The following ZFYVE1 variants were observed in gnomAD, a reference collection of about 807,000 sequenced individuals.
ZFYVE1 encodes the protein zinc finger FYVE-type containing 1, also known as zinc finger FYVE domain-containing protein 1.
In ZFYVE1, 30 loss-of-function variants were observed where a neutral mutation model predicts 74.4. The ratio of observed to expected loss-of-function variants is 0.40; its 90% CI spans 0.30 to 0.55. ZFYVE1 has a LOEUF of 0.55. ZFYVE1 is among the 20% of genes least tolerant of loss of function. The pLI, the probability that ZFYVE1 is intolerant of heterozygous loss-of-function variation, is 0.42. For synonymous variants in ZFYVE1, 335 were observed against 385.1 expected, an observed-to-expected ratio of 0.87 and a Z score of 1.52; for missense variants, 703 against 1,011.6, an observed-to-expected ratio of 0.69 and a Z score of 4.14.
intron 4 of ZFYVE1, 82 bp from the exon 5 acceptor site, chr14:72,981,977 G>A (rs1472469239): frequency 1.7e-6 from 2 of 1,143,456 alleles, no homozygotes; most frequent in African/African-American, 1.5e-5. Context: ...CACCGTACAA[G>A]CAACACAGGC....
In ZFYVE1 at chr14:72,971,760, C is replaced by A. The variant is rs1218371390; in HGVS notation, c.2102-646G>T. On this transcript the variant is annotated intron_variant, in intron 11 of 11. Coordinates refer to ENST00000556143, the MANE Select transcript of ZFYVE1 (RefSeq NM_021260.4). ...CTAGGATTATAGGCATGCACCCCCACACCCAGCTCCTTGATCTTTATGTAT... is the reference window on the plus strand; with the variant it reads ...CTAGGATTATAGGCATGCACCCCCAAACCCAGCTCCTTGATCTTTATGTAT... Among the ~76,000 whole-genome samples the A allele has an allele frequency of 2.6e-5, 4 of 152,182 alleles. No homozygotes were observed. In the South Asian group the frequency reaches 8.3e-4, roughly 32 times the overall value.
At chr14:73,019,913 G>T (rs61986550) in intron 2 of ZFYVE1, among the ~76,000 whole-genome samples, 19,971 of 151,180 alleles carry the variant, frequency 0.13, 1,621 homozygotes, top group East Asian at 0.2. Flanking sequence ...ATCACACCAC[G>T]GCACTCCAGC....
intron 3 of ZFYVE1, among the ~76,000 whole-genome samples, chr14:72,993,992 C>T (rs1363542988): frequency 1.8e-5 from 2 of 113,634 alleles, no homozygotes; most frequent in Non-Finnish European, 3.5e-5. Flanking sequence ...TCCAGCCTGG[C>T]GACAGAGAGA....
At chr14:72,997,224 A>G (rs949844262) in intron 3 of ZFYVE1, among the ~76,000 whole-genome samples, 3 of 152,296 alleles carry the variant, frequency 2.0e-5, no homozygotes, top group Middle Eastern at 6.8e-3. Flanking sequence ...CAGTACATAA[A>G]TATCTGCAAT....
chr14:72,991,730 A>G (rs1691128042), intron 4 of ZFYVE1, among the ~76,000 whole-genome samples: 1 of 152,210 alleles, frequency 6.6e-6, no homozygotes, highest in Admixed American at 6.5e-5. Flanking sequence ...TTGAACTTCA[A>G]ATTCTAACTG....
At chr14:73,008,984 G>A (rs1481331637) in intron 2 of ZFYVE1, among the ~76,000 whole-genome samples, 3 of 152,090 alleles carry the variant, frequency 2.0e-5, no homozygotes, top group East Asian at 1.9e-4. Context: ...CTCTTCCAGC[G>A]CTAAACACCC....
At chr14:73,004,660 A>G (rs954319500) in intron 2 of ZFYVE1, among the ~76,000 whole-genome samples, 6 of 152,086 alleles carry the variant, frequency 3.9e-5, no homozygotes, top group Non-Finnish European at 7.4e-5. Flanking sequence ...ACTGACAAGC[A>G]GTGAACAATC....
chr14:72,973,950 A>C, intron 11 of ZFYVE1, 130 bp downstream of exon 11: 1 of 704,174 alleles, frequency 1.4e-6, no homozygotes, highest in South Asian at 1.7e-5. Flanking sequence ...AATGTGTGGC[A>C]TTGTGTAATT....
At chr14:72,995,744 T>C (rs1417933150) in intron 3 of ZFYVE1, among the ~76,000 whole-genome samples, 1 of 152,170 alleles carries the variant, frequency 6.6e-6, no homozygotes, top group East Asian at 1.9e-4. Context: ...ACATGTATTA[T>C]CTTCTATAGG....
At position 73,019,524 on chromosome 14, in the gene ZFYVE1, A is replaced by G. The variant is rs115352246; in HGVS notation, c.483+4502T>C. Among the ~76,000 whole-genome samples, 376 of 152,346 alleles carry G rather than the reference A, an allele frequency of 2.5e-3. 2 individuals are homozygous for G. Among genetic ancestry groups the G allele is most frequent in the Middle Eastern group, 0.017 (5 of 294 alleles). On this transcript the variant is annotated intron_variant, in intron 2 of 11. Coordinates refer to ENST00000556143, the MANE Select transcript of ZFYVE1 (RefSeq NM_021260.4). Reference sequence around the variant, plus strand: ...CCTAACTGATAGACACTTTACTGCTATTAGGAAGTTCATCAATAACACTTT... The same window carrying G: ...CCTAACTGATAGACACTTTACTGCTGTTAGGAAGTTCATCAATAACACTTT...
intron 11 of ZFYVE1, among the ~76,000 whole-genome samples, chr14:72,972,363 T>G (rs1299717730): frequency 6.6e-6 from 1 of 152,178 alleles, no homozygotes; most frequent in Non-Finnish European, 1.5e-5. Context: ...TGGGAGCACT[T>G]GGTGAGCACA....
intron 2 of ZFYVE1, among the ~76,000 whole-genome samples, chr14:73,002,986 C>T (rs1893904992): frequency 6.6e-6 from 1 of 151,482 alleles, no homozygotes; most frequent in Non-Finnish European, 1.5e-5. Flanking sequence ...TCGTGATCCG[C>T]CCGCCTCGGC....
At chr14:73,017,979 T>C (rs2140387601) in intron 2 of ZFYVE1, among the ~76,000 whole-genome samples, 1 of 152,346 alleles carries the variant, frequency 6.6e-6, no homozygotes, top group South Asian at 2.1e-4. Flanking sequence ...TGCTTCCCTC[T>C]GCACCTCTTC....
intron 2 of ZFYVE1, among the ~76,000 whole-genome samples, chr14:73,011,269 G>C (rs764598605): frequency 4.6e-5 from 7 of 151,622 alleles, no homozygotes; most frequent in African/African-American, 1.7e-4. Context: ...TAGATCACTC[G>C]AGGCCAGGAG....
intron 2 of ZFYVE1, among the ~76,000 whole-genome samples, chr14:73,022,834 A>C (rs1298567992): frequency 6.6e-6 from 1 of 152,146 alleles, no homozygotes; most frequent in East Asian, 1.9e-4. Context: ...GTACTCCCAG[A>C]TGCCCCTCAC....
Position 72,970,730 on chromosome 14 carries a change from A to T in ZFYVE1, c.*152T>A. On this transcript the variant is annotated 3_prime_UTR_variant, in exon 12 of 12. Coordinates refer to ENST00000556143, the MANE Select transcript of ZFYVE1 (RefSeq NM_021260.4). ...GGTCCACACCTTCGGGCCTGCCGCC[A>T]GGCTCACCCCCACTGAGGGAAAGTG... The T allele has an allele frequency of 1.2e-6, 1 of 862,496 alleles. No individual in the cohort carries two copies. The highest frequency in any genetic ancestry group is 1.8e-6 in the Non-Finnish European group (1 of 563,548). 53.4% of individuals were successfully genotyped at this position (862,496 alleles called of 1,614,324 possible).
At chr14:73,015,974 CA>C (rs1894194332) in intron 2 of ZFYVE1, among the ~76,000 whole-genome samples, 1 of 151,920 alleles carries the variant, frequency 6.6e-6, no homozygotes, top group South Asian at 2.1e-4. Flanking sequence ...CGAAGAAAAA[CA>C]AATGCCTTTT....
chr14:72,996,686 TA>T (rs1184892903), intron 3 of ZFYVE1, among the ~76,000 whole-genome samples: 1 of 152,186 alleles, frequency 6.6e-6, no homozygotes, highest in Non-Finnish European at 1.5e-5. Context: ...TCTTCTTTCC[TA>T]GATTCCATAA....
intron 2 of ZFYVE1, among the ~76,000 whole-genome samples, chr14:73,015,059 C>T (rs1567362787): frequency 6.6e-6 from 1 of 151,482 alleles, no homozygotes; most frequent in Admixed American, 6.6e-5. Context: ...GGTGAAACCC[C>T]GTCTCTACTA....
Sources: allele counts gnomAD v4.1 joint callset (sites outside exome capture counted in the v4.1 genomes callset), GRCh38; gene constraint gnomAD v4.1.1; transcripts MANE v1.5; gene names NCBI Gene and HGNC (gene_info 2026-07-23, HGNC 2026-07-21).